DNAJB14: variants seen among roughly 807,000 people sequenced by gnomAD.
DNAJB14 encodes the protein DnaJ heat shock protein family (Hsp40) member B14, also known as dnaJ homolog subfamily B member 14.
A neutral mutation model predicts 48.4 loss-of-function variants in DNAJB14; 22 were observed. The observed-to-expected ratio is 0.45, with a 90% CI of 0.32 to 0.65. The LOEUF (loss-of-function observed/expected upper bound fraction) is 0.65, where lower values mean the gene tolerates loss of function less well. Ranked by LOEUF, DNAJB14 falls within the 30% of genes least tolerant of loss-of-function variation. The pLI is 0.03. For synonymous variants in DNAJB14, 142 were observed against 158.7 expected, an observed-to-expected ratio of 0.89 and a Z score of 0.79; for missense variants, 319 against 458.8, an observed-to-expected ratio of 0.70 and a Z score of 2.78.
chr4:99,918,124 A>G (rs1203937544), intron 3 of DNAJB14, among the ~76,000 whole-genome samples: 3 of 152,176 alleles, frequency 2.0e-5, no homozygotes, highest in Non-Finnish European at 4.4e-5. Flanking sequence ...ATCTTTTGCT[A>G]TAGTCCCACC....
chr4:99,903,326 C>T (rs544181522), intron 7 of DNAJB14, among the ~76,000 whole-genome samples: 1 of 151,690 alleles, frequency 6.6e-6, no homozygotes, highest in East Asian at 1.9e-4. Context: ...ATTCTAAATA[C>T]AAAAGCTAAA....
At chr4:99,919,583 T>TA (rs1458813697) in intron 3 of DNAJB14, among the ~76,000 whole-genome samples, 18 of 123,156 alleles carry the variant, frequency 1.5e-4, no homozygotes, top group Admixed American at 7.8e-4. Flanking sequence ...GACTCCATCT[T>TA]AAAAAACAAA....
intron 2 of DNAJB14, chr4:99,926,476 G>C (rs1726259195): frequency 6.6e-6 from 1 of 152,112 alleles, no homozygotes; most frequent in Non-Finnish European, 1.5e-5. Context: ...AAGGTGGAGA[G>C]GTACGAATAT....
Position 99,897,934 on chromosome 4 carries a change from T to A in DNAJB14, c.*3094A>T, listed in dbSNP as rs1725182244. 1 of 151,944 alleles carries A rather than the reference T, an allele frequency of 6.6e-6. No homozygotes were observed. Among genetic ancestry groups the A allele is most frequent in the Non-Finnish European group, 1.5e-5 (1 of 67,864 alleles). The allele number at this position is 151,944 out of a possible 1,614,324, so 9.4% of individuals were successfully genotyped here. A position where few individuals can be genotyped will look rare whatever the true frequency, so the allele number is the denominator to read the frequency against. On this transcript the variant is annotated 3_prime_UTR_variant, in exon 8 of 8. Transcript: ENST00000442697. The stretch of plus-strand genomic sequence containing the variant: ...GGCTCACTTGGTCCTCAAGCCAACA[T>A]CAAGAAATATTTAGCTGTCTTAACA...
chr4:99,934,125 A>G (rs1324056237), intron 1 of DNAJB14, among the ~76,000 whole-genome samples: 1 of 152,162 alleles, frequency 6.6e-6, no homozygotes, highest in Non-Finnish European at 1.5e-5. Context: ...ACTCCTGGGA[A>G]CAGGACCCAA....
Position 99,930,468 on chromosome 4 carries a change from T to C in DNAJB14, c.287A>G (p.Gln96Arg). Residue 96 changes from glutamine to arginine, a missense_variant, in exon 2 of 8, where the codon CAA becomes CGA. Gln to Arg is a conservative substitution (Grantham distance 43, BLOSUM62 1). Transcript: ENST00000442697. ...TTCCTACCTGAGAACTCCATCTACT[T>C]GGTCTTTGGTATAGCCTTTTCCACC... ...GEGGKGYTKD[Q>R]VDGVLSINKC... The C allele has an allele frequency of 1.3e-6, 2 of 1,595,636 alleles. No individual in the cohort carries two copies. The highest frequency in any genetic ancestry group is 1.7e-6 in the Non-Finnish European group (2 of 1,171,376).
intron 7 of DNAJB14, among the ~76,000 whole-genome samples, chr4:99,903,107 A>C (rs966459438): frequency 1.3e-4 from 20 of 152,118 alleles, no homozygotes; most frequent in Non-Finnish European, 2.4e-4. Flanking sequence ...ATTATTATTC[A>C]CAACAATGGT....
chr4:99,919,190 C>G (rs1725961883), intron 3 of DNAJB14, among the ~76,000 whole-genome samples: 1 of 152,076 alleles, frequency 6.6e-6, no homozygotes, highest in African/African-American at 2.4e-5. Context: ...GATCATTTGG[C>G]TAGATAAGGC....
At chr4:99,937,507 T>C (rs577183293) in intron 1 of DNAJB14, among the ~76,000 whole-genome samples, 1 of 151,914 alleles carries the variant, frequency 6.6e-6, no homozygotes, top group East Asian at 2.0e-4. Flanking sequence ...GGCTGATCAC[T>C]TGAGCCCAGG....
Position 99,908,761 on chromosome 4 carries a change from A to G in DNAJB14, c.587T>C (p.Ile196Thr). The change falls in exon 4 of 8, where the codon ATA (isoleucine) becomes ACA (threonine). Residue 196 changes from isoleucine to threonine, a missense_variant. Ile to Thr is a moderately conservative substitution (Grantham distance 89). Coordinates refer to ENST00000442697, the MANE Select transcript of DNAJB14 (RefSeq NM_001031723.4). ...FNFHRGCEAD[I>T]TPEDLFNIFF... ...TATATTAAACAAGTCTTCTGGAGTT[A>G]TATCAGCTTCACAACCTCTATGGAA... is the stretch of plus-strand genomic sequence containing the variant. 1.2e-6 allele frequency: 2 copies of G among 1,610,266 alleles called. No homozygotes were observed. The highest frequency in any genetic ancestry group is 1.7e-6 in the Non-Finnish European group (2 of 1,178,382).
chr4:99,941,861 T>C (rs763953411), intron 1 of DNAJB14, among the ~76,000 whole-genome samples: 1 of 152,122 alleles, frequency 6.6e-6, no homozygotes, highest in South Asian at 2.1e-4. Context: ...ATTTGGCTAC[T>C]AGCTGAAATT....
intron 3 of DNAJB14, among the ~76,000 whole-genome samples, chr4:99,909,752 G>C (rs989456655): frequency 6.6e-6 from 1 of 151,728 alleles, no homozygotes; most frequent in Non-Finnish European, 1.5e-5. Flanking sequence ...GTAAAAGTAG[G>C]TAAGCAAAGT....
In DNAJB14 at chr4:99,905,586, T is replaced by G; in HGVS notation, c.842+11A>C. On this transcript the variant is annotated intron_variant, in intron 6 of 7. Coordinates refer to ENST00000442697, the MANE Select transcript of DNAJB14 (RefSeq NM_001031723.4). ...AATTCATTTTTTGTAAAACTTCACTTGGCTACTTACGATCTGGGATATAAG... is the reference window on the plus strand; with the variant it reads ...AATTCATTTTTTGTAAAACTTCACTGGGCTACTTACGATCTGGGATATAAG... 6.3e-7 allele frequency: 1 copy of G among 1,592,392 alleles called. No homozygotes were observed. Among genetic ancestry groups the G allele is most frequent in the African/African-American group, 1.3e-5 (1 of 74,380 alleles).
chr4:99,943,892 C>A (rs1253591721), intron 1 of DNAJB14, among the ~76,000 whole-genome samples: 5 of 152,034 alleles, frequency 3.3e-5, no homozygotes, highest in Non-Finnish European at 7.4e-5. Flanking sequence ...AATGGCACTA[C>A]AACAAACTTA....
At chr4:99,923,280 A>T (rs944461573) in intron 2 of DNAJB14, 95 bp from the exon 3 acceptor site, 3 of 1,106,246 alleles carry the variant, frequency 2.7e-6, no homozygotes, top group Non-Finnish European at 3.7e-6. Flanking sequence ...ATAAAGAACT[A>T]TCTGTGGACT....
intron 3 of DNAJB14, 119 bp from the exon 4 acceptor site, chr4:99,909,015 TAAAAA>T: frequency 1.6e-6 from 1 of 610,232 alleles, no homozygotes; most frequent in Non-Finnish European, 2.6e-6. Flanking sequence ...AGAAAATTGT[TAAAAA>T]TAAGTTCTTT....
chr4:99,933,343 G>A (rs918492586), intron 1 of DNAJB14, among the ~76,000 whole-genome samples: 2 of 129,790 alleles, frequency 1.5e-5, no homozygotes, highest in South Asian at 5.0e-4. Flanking sequence ...GAGCCAGGCT[G>A]GAGTGCAGTG....
chr4:99,909,130 T>C (rs1405313815), intron 3 of DNAJB14, among the ~76,000 whole-genome samples: 1 of 152,066 alleles, frequency 6.6e-6, no homozygotes, highest in Non-Finnish European at 1.5e-5. Flanking sequence ...GGAATATCCA[T>C]CTTCCTTTTT....
At chr4:99,904,215 G>A (rs1578211887) in intron 6 of DNAJB14, among the ~76,000 whole-genome samples, 2 of 152,188 alleles carry the variant, frequency 1.3e-5, no homozygotes, top group African/African-American at 4.8e-5. Flanking sequence ...CAGCTGACAC[G>A]GGTATTCTGG....
Sources: gnomAD v4.1 joint callset for allele counts (sites outside exome capture counted in the v4.1 genomes callset) on GRCh38, gnomAD v4.1.1 for gene constraint, MANE v1.5 for transcripts, NCBI Gene and HGNC (gene_info 2026-07-23, HGNC 2026-07-21) for gene names.